HS3ST1: variants seen among roughly 807,000 people sequenced by gnomAD.
The protein encoded by HS3ST1 is heparan sulfate glucosamine 3-O-sulfotransferase 1.
A neutral mutation model predicts 20.7 loss-of-function variants in HS3ST1; 8 were observed. That is an observed-to-expected ratio of 0.39 (90% CI 0.23 to 0.70). HS3ST1 has a LOEUF of 0.70. HS3ST1 is among the 30% of genes least tolerant of loss of function. HS3ST1 has a pLI of 0.46. For missense variants in HS3ST1, 436 were observed against 423.4 expected, an observed-to-expected ratio of 1.03 and a Z score of -0.26; for synonymous variants, 205 against 190.4, an observed-to-expected ratio of 1.08 and a Z score of -0.63.
chr4:11,397,445 T>C lies in HS3ST1; in HGVS notation c.*1637A>G, dbSNP rs942134173. ...CCTTCCTGTATCTGGGACACACCTC[T>C]TAGGATGGAAGATATTTGGCACCTG... On this transcript the variant is annotated 3_prime_UTR_variant, in exon 2 of 2. Transcript: ENST00000002596. 6.6e-6 allele frequency: 1 copy of C among 152,274 alleles called. No homozygotes were observed. The highest frequency in any genetic ancestry group is 6.5e-5 in the Admixed American group (1 of 15,290). The allele number at this position is 152,274 out of a possible 1,614,324, so 9.4% of individuals were successfully genotyped here.
At chr4:11,418,281 A>G (rs562833812) in intron 1 of HS3ST1, among the ~76,000 whole-genome samples, 1 of 152,326 alleles carries the variant, frequency 6.6e-6, no homozygotes, top group East Asian at 1.9e-4. Context: ...CTTTTCAATC[A>G]AAATCAGGCT....
chr4:11,413,900 AC>A (rs1258085707), intron 1 of HS3ST1, among the ~76,000 whole-genome samples: 5 of 152,274 alleles, frequency 3.3e-5, no homozygotes, highest in East Asian at 3.9e-4. Context: ...TGAAAAAAAA[AC>A]CATGTGAACA....
chr4:11,401,630 C>T (rs1718328680), intron 1 of HS3ST1, among the ~76,000 whole-genome samples: 1 of 152,192 alleles, frequency 6.6e-6, no homozygotes, highest in Admixed American at 6.5e-5. Flanking sequence ...AGGCATGAGC[C>T]ACTGCGCCTG....
At chr4:11,432,807 A>G (rs1326131140), upstream of HS3ST1, among the ~76,000 whole-genome samples, 1 of 152,234 alleles carries the variant, frequency 6.6e-6, no homozygotes, top group African/African-American at 2.4e-5. Flanking sequence ...AATGAGGGTC[A>G]CAGCCATAAA....
At position 11,399,342 on chromosome 4, in the gene HS3ST1, T is replaced by A. The variant is rs1315655690; in HGVS notation, c.664A>T (p.Arg222Trp). 6.2e-7 allele frequency: 1 copy of A among 1,613,950 alleles called. No individual in the cohort carries two copies. Among genetic ancestry groups the A allele is most frequent in the Non-Finnish European group, 8.5e-7 (1 of 1,180,026 alleles). ...TTTTGGATCTCAGGGAAGGGGTCCCTGATGAGGCGGTCGCCGTCCACAATG... is the reference window on the plus strand; with the variant it reads ...TTTTGGATCTCAGGGAAGGGGTCCCAGATGAGGCGGTCGCCGTCCACAATG... ...IHIVDGDRLI[R>W]DPFPEIQKVE... Residue 222 changes from arginine (R) to tryptophan (W), a missense_variant, in exon 2 of 2, where the codon AGG becomes TGG. Arg to Trp is a moderately radical substitution (Grantham distance 101). Coordinates refer to ENST00000002596, the MANE Select transcript of HS3ST1 (RefSeq NM_005114.4). This position sits in a 1 kb window ranked among gnomAD's most constrained non-coding sequence, Gnocchi z 5.1.
intron 1 of HS3ST1, among the ~76,000 whole-genome samples, chr4:11,411,591 C>G (rs975588356): frequency 6.6e-6 from 1 of 152,132 alleles, no homozygotes; most frequent in Admixed American, 6.6e-5. Flanking sequence ...ACACCTAGAT[C>G]GTGCACACCA....
chr4:11,424,520 G>A (rs1234376793), intron 1 of HS3ST1, among the ~76,000 whole-genome samples: 1 of 152,098 alleles, frequency 6.6e-6, no homozygotes, highest in African/African-American at 2.4e-5. Flanking sequence ...GGCTAAGTCA[G>A]GGAGAAAGGG....
chr4:11,402,777 C>T (rs529753703), intron 1 of HS3ST1, among the ~76,000 whole-genome samples: 1 of 152,330 alleles, frequency 6.6e-6, no homozygotes, highest in East Asian at 1.9e-4. Context: ...TTCATATTAT[C>T]TGACTGTTTA....
At chr4:11,403,188 T>A (rs565080013) in intron 1 of HS3ST1, among the ~76,000 whole-genome samples, 7 of 152,236 alleles carry the variant, frequency 4.6e-5, no homozygotes, top group Non-Finnish European at 1.0e-4. Context: ...TAAGTACATA[T>A]GTGTTTGTGT....
At position 11,417,710 on chromosome 4, in the gene HS3ST1, A is replaced by G. The variant is rs139594285; in HGVS notation, c.-109+10989T>C. Among the ~76,000 whole-genome samples the G allele has an allele frequency of 5.2e-3, 786 of 152,370 alleles. 3 individuals carry two copies. Among genetic ancestry groups the G allele is most frequent in the African/African-American group, 0.018 (728 of 41,592 alleles). On this transcript the variant is annotated intron_variant, in intron 1 of 1. Transcript: ENST00000002596. Reference sequence around the variant, plus strand: ...TCTCAGGTTAGCAAGAGAGATTAACATAGAGAAATATTGCAGATTGCAAAT... The same window carrying G: ...TCTCAGGTTAGCAAGAGAGATTAACGTAGAGAAATATTGCAGATTGCAAAT...
Position 11,399,892 on chromosome 4 carries a change from C to T in HS3ST1, c.114G>A (p.Gln38=). ...QELLRKAGTL[Q]DDVRDGVAPN... is the part of the protein sequence containing the mutation. ...GGGCCACGCCATCGCGGACGTCATC[C>T]TGGAGGGTCCCCGCTTTCCGCAGAA... is the stretch of plus-strand genomic sequence containing the variant. Residue 38 remains glutamine (Q), a synonymous_variant, in exon 2 of 2, where the codon CAG becomes CAA. Transcript: ENST00000002596. The surrounding 1 kb of genome is among the most constrained non-coding windows in gnomAD (Gnocchi z 5.1). 1 of 1,610,744 alleles carries T rather than the reference C, an allele frequency of 6.2e-7. No individual in the cohort carries two copies. Among genetic ancestry groups the T allele is most frequent in the East Asian group, 2.2e-5 (1 of 44,820 alleles).
intron 1 of HS3ST1, among the ~76,000 whole-genome samples, chr4:11,416,403 G>A (rs1718783257): frequency 6.6e-6 from 1 of 152,152 alleles, no homozygotes; most frequent in Admixed American, 6.5e-5. Flanking sequence ...CTGCTCTCTG[G>A]GAGCTGTCTC....
At chr4:11,427,976 G>A (rs1719104432) in intron 1 of HS3ST1, among the ~76,000 whole-genome samples, 1 of 152,182 alleles carries the variant, frequency 6.6e-6, no homozygotes, top group South Asian at 2.1e-4. Flanking sequence ...TGGGAGCTGG[G>A]GTCTAGGCGT....
chr4:11,432,800 G>A (rs1719229664), upstream of HS3ST1, among the ~76,000 whole-genome samples: 1 of 152,192 alleles, frequency 6.6e-6, no homozygotes, highest in Non-Finnish European at 1.5e-5. Context: ...GAGGGGAAAT[G>A]AGGGTCACAG....
chr4:11,424,171 A>G (rs1261190801), intron 1 of HS3ST1, among the ~76,000 whole-genome samples: 1 of 152,118 alleles, frequency 6.6e-6, no homozygotes, highest in African/African-American at 2.4e-5. Context: ...GTTCCACTCA[A>G]GCTGTTACTT....
At chr4:11,428,248 C>T (rs1281113891) in intron 1 of HS3ST1, among the ~76,000 whole-genome samples, 1 of 152,238 alleles carries the variant, frequency 6.6e-6, no homozygotes, top group Non-Finnish European at 1.5e-5. Flanking sequence ...CAAAGGCTCC[C>T]TCAGCCGAGT....
intron 1 of HS3ST1, among the ~76,000 whole-genome samples, chr4:11,424,392 G>A (rs1158365054): frequency 5.9e-5 from 9 of 152,116 alleles, no homozygotes; most frequent in African/African-American, 1.9e-4. Flanking sequence ...TTATTCTAAC[G>A]ATCTGAAAAA....
intron 1 of HS3ST1, among the ~76,000 whole-genome samples, chr4:11,423,062 A>G (rs1560237621): frequency 6.8e-6 from 1 of 147,034 alleles, no homozygotes; most frequent in Non-Finnish European, 1.5e-5. Context: ...GCTGAACGTC[A>G]GAGTTCTGAG....
At position 11,393,644 on chromosome 4, in the gene HS3ST1, G is replaced by A. The variant is rs1328341212; in HGVS notation, c.*5438C>T. The A allele has an allele frequency of 1.3e-5, 2 of 152,218 alleles. No homozygotes were observed. The highest frequency in any genetic ancestry group is 2.9e-5 in the Non-Finnish European group (2 of 68,048). The allele number at this position is 152,218 out of a possible 1,614,324, so 9.4% of individuals were successfully genotyped here. ...GAAGTTTCGGAAGAAATAAGTAAAA[G>A]TACAGTTTCAGGAGAAGTCTAGCCT... On this transcript the variant is annotated 3_prime_UTR_variant, in exon 2 of 2. Coordinates refer to ENST00000002596, the MANE Select transcript of HS3ST1 (RefSeq NM_005114.4).
Sources: allele counts gnomAD v4.1 joint callset (sites outside exome capture counted in the v4.1 genomes callset), GRCh38; gene constraint gnomAD v4.1.1; non-coding constraint Gnocchi (gnomAD v3.1); transcripts MANE v1.5; gene names NCBI Gene and HGNC (gene_info 2026-07-23, HGNC 2026-07-21).